FUBP3: variants seen among roughly 807,000 people sequenced by gnomAD.
FUBP3 encodes far upstream element binding protein 3, also known as far upstream element-binding protein 3.
Under a neutral mutation model 85.6 loss-of-function variants are expected in FUBP3, and 28 were observed. That is an observed-to-expected ratio of 0.33 (90% CI 0.24 to 0.45). The LOEUF (loss-of-function observed/expected upper bound fraction) is 0.45. Ranked by LOEUF, FUBP3 falls within the 20% of genes least tolerant of loss-of-function variation. The pLI is 1.00. For missense variants in FUBP3, 583 were observed against 755.1 expected (o/e 0.77, Z 2.67); for synonymous variants, 271 against 271.4 (o/e 1.00, Z 0.01).
chr9:130,603,612 G>A (rs1003456506), intron 2 of FUBP3, among the ~76,000 whole-genome samples: 5 of 152,124 alleles, frequency 3.3e-5, no homozygotes, highest in African/African-American at 1.2e-4. Flanking sequence ...ACTGGTTGGT[G>A]GACAGTTGGC....
chr9:130,615,004 G>A (rs998505592), intron 6 of FUBP3, among the ~76,000 whole-genome samples: 1 of 152,150 alleles, frequency 6.6e-6, no homozygotes, highest in African/African-American at 2.4e-5. Flanking sequence ...TTCAATCTAC[G>A]GAGCAGCACT....
intron 14 of FUBP3, 75 bp from the exon 15 acceptor site, chr9:130,631,867 C>T: frequency 8.8e-7 from 1 of 1,138,738 alleles, no homozygotes; most frequent in South Asian, 1.3e-5. Flanking sequence ...CCCCTCAGTG[C>T]CCTGGGGCTG....
At chr9:130,604,912 AAAAG>A (rs200370948) in intron 2 of FUBP3, among the ~76,000 whole-genome samples, 9,964 of 151,144 alleles carry the variant, frequency 0.066, 340 homozygotes, top group African/African-American at 0.12. Context: ...AAAAAAAAAA[AAAAG>A]AAAGAAATAC....
At chr9:130,624,788 C>G (rs1376428308) in intron 11 of FUBP3, among the ~76,000 whole-genome samples, 1 of 152,018 alleles carries the variant, frequency 6.6e-6, no homozygotes, top group Non-Finnish European at 1.5e-5. Flanking sequence ...TTTTTTGTAG[C>G]AAGAGTTTAT....
intron 8 of FUBP3, among the ~76,000 whole-genome samples, chr9:130,620,094 C>T (rs970878238): frequency 1.3e-5 from 2 of 152,210 alleles, no homozygotes; most frequent in Non-Finnish European, 2.9e-5. Context: ...TCTGACCACA[C>T]GCAGATGTGC....
intron 1 of FUBP3, among the ~76,000 whole-genome samples, chr9:130,583,758 G>A (rs1054062493): frequency 4.6e-5 from 7 of 152,110 alleles, no homozygotes; most frequent in Non-Finnish European, 8.8e-5. Context: ...GTGTGTGTGC[G>A]CCACCACATG....
intron 1 of FUBP3, among the ~76,000 whole-genome samples, chr9:130,586,360 AC>A (rs1378715827): frequency 6.6e-6 from 1 of 152,174 alleles, no homozygotes; most frequent in African/African-American, 2.4e-5. Context: ...AGTCTTTACA[AC>A]CATCAGGTAA....
chr9:130,599,359 ATG>A (rs10532542), intron 2 of FUBP3, among the ~76,000 whole-genome samples: 5,432 of 148,868 alleles, frequency 0.036, 123 homozygotes, highest in Non-Finnish European at 0.054. Context: ...ATATAAGTAT[ATG>A]TGTGTGTGTG....
intron 1 of FUBP3, among the ~76,000 whole-genome samples, chr9:130,592,743 T>C (rs1830687139): frequency 6.6e-6 from 1 of 152,040 alleles, no homozygotes; most frequent in African/African-American, 2.4e-5. Flanking sequence ...GGGGTCTTGC[T>C]GTGTTGCCCA....
chr9:130,586,340 T>C (rs1247746248), intron 1 of FUBP3, among the ~76,000 whole-genome samples: 1 of 152,230 alleles, frequency 6.6e-6, no homozygotes, highest in Non-Finnish European at 1.5e-5. Flanking sequence ...TTTATCTTAT[T>C]GCGGAATTCA....
chr9:130,631,079 T>G, intron 13 of FUBP3: 1 of 1,057,280 alleles, frequency 9.5e-7, no homozygotes, highest in Non-Finnish European at 1.2e-6. Context: ...GGCGGCAGCC[T>G]CCCCCCACGC....
Position 130,624,275 on chromosome 9 carries a change from G to A in FUBP3, c.975+564G>A, listed in dbSNP as rs189027206. Among the ~76,000 whole-genome samples the A allele has an allele frequency of 1.5e-3, 225 of 152,330 alleles. 6 individuals are homozygous for A. In the South Asian group the frequency reaches 0.042, roughly 28 times the overall value. On this transcript the variant is annotated intron_variant, in intron 11 of 18. Coordinates refer to ENST00000319725, the MANE Select transcript of FUBP3 (RefSeq NM_003934.2). ...CTGCCATCAGTCATGTGACCTTGGAGCTGCCTTTGAACCTCTGGGTCTGGT... is the reference window on the plus strand; with the variant it reads ...CTGCCATCAGTCATGTGACCTTGGAACTGCCTTTGAACCTCTGGGTCTGGT...
Position 130,631,566 on chromosome 9 carries a change from C to T in FUBP3, c.1288C>T (p.Leu430Phe). The T allele has an allele frequency of 1.2e-6, 2 of 1,613,728 alleles. No homozygotes were observed. The highest frequency in any genetic ancestry group is 1.3e-5 in the African/African-American group (1 of 75,052). The change falls in exon 14 of 19, where the codon CTC (leucine) becomes TTC (phenylalanine). Residue 430 changes from leucine to phenylalanine, a missense_variant. This residue lies in a region of FUBP3 where 404 missense variants were observed against 516.8 expected (regional missense o/e 0.78). Transcript: ENST00000319725. ...LIDEKVGGTN[L>F]GAPGAFGQSP... ...CTCTGTGCCCCCACAGGGGACCAAT[C>T]TCGGAGCACCTGGAGCCTTCGGACA...
intron 2 of FUBP3, among the ~76,000 whole-genome samples, chr9:130,597,241 T>G (rs1228794684): frequency 6.6e-6 from 1 of 151,406 alleles, no homozygotes; most frequent in Non-Finnish European, 1.5e-5. Context: ...CTCATTCTTT[T>G]TTATGGCTGA....
At chr9:130,583,138 C>T (rs1292058885) in intron 1 of FUBP3, among the ~76,000 whole-genome samples, 1 of 152,188 alleles carries the variant, frequency 6.6e-6, no homozygotes, top group African/African-American at 2.4e-5. Context: ...AGAAAGTAAC[C>T]TTTTGACAGA....
intron 2 of FUBP3, among the ~76,000 whole-genome samples, chr9:130,595,854 G>C (rs1830842515): frequency 6.6e-6 from 1 of 152,170 alleles, no homozygotes; most frequent in South Asian, 2.1e-4. Flanking sequence ...TGACCTATTT[G>C]AGAATTTTGT....
intron 12 of FUBP3, among the ~76,000 whole-genome samples, chr9:130,628,104 G>GCA (rs71499253): frequency 0.028 from 4,113 of 149,048 alleles, 73 homozygotes; most frequent in Middle Eastern, 0.052. Flanking sequence ...GCACGCACGC[G>GCA]CACACACACA....
intron 2 of FUBP3, among the ~76,000 whole-genome samples, chr9:130,605,889 C>T (rs1362454492): frequency 6.6e-6 from 1 of 152,148 alleles, no homozygotes; most frequent in Non-Finnish European, 1.5e-5. Context: ...TAGGCTGAAG[C>T]AGGAGAATCG....
intron 9 of FUBP3, among the ~76,000 whole-genome samples, chr9:130,621,531 T>A (rs1829746600): frequency 6.6e-6 from 1 of 152,212 alleles, no homozygotes; most frequent in Non-Finnish European, 1.5e-5. Flanking sequence ...AAAATTACTA[T>A]TTTTCATCTT....
Sources: allele counts gnomAD v4.1 joint callset (sites outside exome capture counted in the v4.1 genomes callset), GRCh38; gene constraint gnomAD v4.1.1; regional missense constraint gnomAD v4.1.1; transcripts MANE v1.5; gene names NCBI Gene and HGNC (gene_info 2026-07-23, HGNC 2026-07-21).